The following TMEM132B variants were observed in gnomAD, a reference collection of about 807,000 sequenced individuals.
TMEM132B encodes the protein transmembrane protein 132B.
A neutral mutation model predicts 90.8 loss-of-function variants in TMEM132B; 18 were observed. That is an observed-to-expected ratio of 0.20 (90% CI 0.14 to 0.29). TMEM132B has a LOEUF of 0.29. TMEM132B is among the 10% of genes least tolerant of loss of function. TMEM132B has a pLI of 1.00. For synonymous variants in TMEM132B, 504 were observed against 523.3 expected (o/e 0.96, Z 0.50); for missense variants, 1,096 against 1,326.8 (o/e 0.83, Z 2.70).
chr12:125,649,450 C>A (rs1231652750), intron 6 of TMEM132B, among the ~76,000 whole-genome samples: 1 of 152,230 alleles, frequency 6.6e-6, no homozygotes, highest in East Asian at 1.9e-4. Context: ...GGGAGACAAC[C>A]AGCTGTGTGG....
Position 125,350,120 on chromosome 12 carries a change from A to G in TMEM132B, c.736A>G (p.Asn246Asp), listed in dbSNP as rs1250793140. The part of the protein sequence containing the change: ...PLEEEGKWEN[N>D]IHSGLESPQQ... ...GGAGGAGGAAGGCAAGTGGGAGAAC[A>G]ATATCCACTCGGGCCTGGAGAGCCC... The change falls in exon 2 of 9, where the codon AAT becomes GAT. Residue 246 changes from asparagine (N) to aspartate (D), a missense_variant. Transcript: ENST00000682704. The G allele has an allele frequency of 6.2e-7, 1 of 1,614,208 alleles. No homozygotes were observed. Among genetic ancestry groups the G allele is most frequent in the South Asian group, 1.1e-5 (1 of 91,066 alleles).
chr12:125,550,657 C>T (rs1480778588), intron 4 of TMEM132B, among the ~76,000 whole-genome samples: 1 of 152,156 alleles, frequency 6.6e-6, no homozygotes, highest in Non-Finnish European at 1.5e-5. Context: ...CTTTTTTAAG[C>T]TGATTAGGGT....
At chr12:125,241,671 G>C (rs1485182263) in intron 1 of TMEM132B, among the ~76,000 whole-genome samples, 2 of 152,306 alleles carry the variant, frequency 1.3e-5, no homozygotes, top group Non-Finnish European at 2.9e-5. Flanking sequence ...GGTTCTGCTG[G>C]CACCTTGGTT....
rs370468746 is a variant in TMEM132B at position 125,211,475 on chromosome 12, G to C, written c.67+24609G>C. On this transcript the variant is annotated intron_variant, in intron 1 of 8. Coordinates refer to ENST00000682704, the MANE Select transcript of TMEM132B (RefSeq NM_001366854.1). The stretch of plus-strand genomic sequence containing the variant: ...GGGGCACAGCCCACTGAGGGGGAGC[G>C]AGGCTGCTCCGAGCAGACCAGCTGT... 7.2e-5 allele frequency among the ~76,000 whole-genome samples: 11 copies of C among 152,266 alleles called. No homozygotes were observed. In the South Asian group the frequency reaches 2.3e-3, roughly 32 times the overall value.
chr12:125,622,367 C>T (rs1053229639), intron 5 of TMEM132B: 1 of 548,864 alleles, frequency 1.8e-6, no homozygotes, highest in Non-Finnish European at 2.3e-6. Flanking sequence ...ATCAAAGGTT[C>T]CCACAAAGCA....
intron 2 of TMEM132B, among the ~76,000 whole-genome samples, chr12:125,401,869 A>G (rs1879330847): frequency 6.6e-6 from 1 of 152,182 alleles, no homozygotes; most frequent in Non-Finnish European, 1.5e-5. Flanking sequence ...AGATTATAAT[A>G]AAAGTTTATT....
chr12:125,405,808 A>T (rs1433229049), intron 2 of TMEM132B, among the ~76,000 whole-genome samples: 1 of 152,240 alleles, frequency 6.6e-6, no homozygotes, highest in Non-Finnish European at 1.5e-5. Flanking sequence ...GAGAAAATTT[A>T]TGCAAAGCCC....
intron 3 of TMEM132B, among the ~76,000 whole-genome samples, chr12:125,423,761 G>C (rs1302446170): frequency 6.6e-6 from 1 of 152,058 alleles, no homozygotes; most frequent in African/African-American, 2.4e-5. Context: ...GAGTATATTG[G>C]CATTCTATGT....
intron 1 of TMEM132B, among the ~76,000 whole-genome samples, chr12:125,285,009 C>G (rs1323930217): frequency 6.6e-6 from 1 of 152,170 alleles, no homozygotes; most frequent in African/African-American, 2.4e-5. Context: ...CTGCATGGAG[C>G]TGATATTGTA....
chr12:125,367,999 C>G (rs1432753297), intron 2 of TMEM132B, among the ~76,000 whole-genome samples: 1 of 151,704 alleles, frequency 6.6e-6, no homozygotes, highest in African/African-American at 2.4e-5. Context: ...TTAGCTATAT[C>G]TCTTTGCATG....
At chr12:125,255,783 T>C (rs1874426164) in intron 1 of TMEM132B, among the ~76,000 whole-genome samples, 1 of 152,160 alleles carries the variant, frequency 6.6e-6, no homozygotes, top group South Asian at 2.1e-4. Flanking sequence ...TGGATGTGTC[T>C]GAGGGAAAAC....
At chr12:125,528,083 A>G (rs1274522859) in intron 4 of TMEM132B, among the ~76,000 whole-genome samples, 1 of 151,988 alleles carries the variant, frequency 6.6e-6, no homozygotes, top group Non-Finnish European at 1.5e-5. Context: ...CTACATCTGT[A>G]TCGTCTTTTT....
intron 1 of TMEM132B, among the ~76,000 whole-genome samples, chr12:125,291,302 G>A (rs374477775): frequency 6.6e-6 from 1 of 152,196 alleles, no homozygotes; most frequent in East Asian, 1.9e-4. Context: ...ATAAGTCCCT[G>A]TTGTTTATGA....
chr12:125,325,582 T>TGG (rs1566002186), intron 1 of TMEM132B, among the ~76,000 whole-genome samples: 2 of 152,132 alleles, frequency 1.3e-5, no homozygotes, highest in African/African-American at 4.8e-5. Context: ...TCTGGAAACA[T>TGG]GGGGCCTCCA....
intron 1 of TMEM132B, among the ~76,000 whole-genome samples, chr12:125,244,859 G>A (rs1874172170): frequency 6.6e-6 from 1 of 152,190 alleles, no homozygotes; most frequent in African/African-American, 2.4e-5. Flanking sequence ...AAGAAGCATG[G>A]TGGAGTGGAA....
chr12:125,191,847 T>G (rs1364276919), intron 1 of TMEM132B, among the ~76,000 whole-genome samples: 4 of 152,194 alleles, frequency 2.6e-5, no homozygotes, highest in African/African-American at 9.7e-5. Context: ...ACTGTGAGAC[T>G]CAGTTTTCCC....
intron 1 of TMEM132B, among the ~76,000 whole-genome samples, chr12:125,228,282 G>T (rs537682325): frequency 1.3e-5 from 2 of 152,156 alleles, no homozygotes; most frequent in Non-Finnish European, 2.9e-5. Flanking sequence ...TCTTCACCCC[G>T]CTGCCCTCGT....
chr12:125,392,574 G>A (rs563678425), intron 2 of TMEM132B, among the ~76,000 whole-genome samples: 1 of 152,286 alleles, frequency 6.6e-6, no homozygotes, highest in East Asian at 1.9e-4. Flanking sequence ...TCATGATGCT[G>A]CCTTTTTGGG....
rs143089594 is a variant in TMEM132B at position 125,471,963 on chromosome 12, C to A, written c.1107-47476C>A. 2.0e-3 allele frequency among the ~76,000 whole-genome samples: 298 copies of A among 152,166 alleles called. No homozygotes were observed. The Middle Eastern group carries it at 0.02, about 10-fold the overall frequency. Reference sequence around the variant, plus strand: ...ACAGTGCCTTTTGAGAGGGAGGTTCCCTGGGATAGAGTTCAACCTTGTGGT... The same window carrying A: ...ACAGTGCCTTTTGAGAGGGAGGTTCACTGGGATAGAGTTCAACCTTGTGGT... On this transcript the variant is annotated intron_variant, in intron 3 of 8. Coordinates refer to ENST00000682704, the MANE Select transcript of TMEM132B (RefSeq NM_001366854.1).
Sources: gnomAD v4.1 joint callset for allele counts (sites outside exome capture counted in the v4.1 genomes callset) on GRCh38, gnomAD v4.1.1 for gene constraint, MANE v1.5 for transcripts, NCBI Gene and HGNC (gene_info 2026-07-23, HGNC 2026-07-21) for gene names.